ADAMTSL1: variants seen among roughly 807,000 people sequenced by gnomAD.
ADAMTSL1 encodes ADAMTS-like protein 1.
A neutral mutation model predicts 201.8 loss-of-function variants in ADAMTSL1; 126 were observed. That is an observed-to-expected ratio of 0.62 (90% CI 0.54 to 0.72). ADAMTSL1 has a LOEUF of 0.72. Among genes scored for constraint, ADAMTSL1 ranks in the 30% least tolerant of loss-of-function variants. ADAMTSL1 has a pLI of 0.00. For missense variants in ADAMTSL1, 2,679 were observed against 2,277.8 expected, an observed-to-expected ratio of 1.18 and a Z score of -3.59; for synonymous variants, 1,121 against 903.4, an observed-to-expected ratio of 1.24 and a Z score of -4.32.
At chr9:18,052,055 T>G (rs1468845819) in intron 1 of ADAMTSL1, among the ~76,000 whole-genome samples, 2 of 152,210 alleles carry the variant, frequency 1.3e-5, no homozygotes, top group Non-Finnish European at 1.5e-5. Context: ...CAGATCAAAG[T>G]AGAGCTCCTA....
intron 2 of ADAMTSL1, among the ~76,000 whole-genome samples, chr9:18,224,465 A>G (rs1830372717): frequency 6.6e-6 from 1 of 152,152 alleles, no homozygotes; most frequent in Non-Finnish European, 1.5e-5. Context: ...TGCACTGGAG[A>G]TTACATTTCA....
At chr9:18,372,164 G>A (rs149156529) in intron 2 of ADAMTSL1, among the ~76,000 whole-genome samples, 55 of 152,248 alleles carry the variant, frequency 3.6e-4, no homozygotes, top group African/African-American at 1.3e-3. Context: ...TTTGTCTACC[G>A]TACAGCACTT....
At chr9:18,550,358 C>G (rs974143072) in intron 3 of ADAMTSL1, among the ~76,000 whole-genome samples, 6 of 151,888 alleles carry the variant, frequency 4.0e-5, no homozygotes, top group Admixed American at 3.3e-4. Flanking sequence ...GAGCGCTTTC[C>G]TCAGCTGGAG....
chr9:18,395,752 G>C (rs1025945050), intron 2 of ADAMTSL1, among the ~76,000 whole-genome samples: 1 of 152,164 alleles, frequency 6.6e-6, no homozygotes, highest in African/African-American at 2.4e-5. Flanking sequence ...AGTTTAACTA[G>C]TCTTGATTCA....
intron 2 of ADAMTSL1, among the ~76,000 whole-genome samples, chr9:18,171,058 A>C (rs920763170): frequency 6.6e-6 from 1 of 152,138 alleles, no homozygotes; most frequent in South Asian, 2.1e-4. Context: ...AAATTAATCC[A>C]CATATCTAGC....
At chr9:18,515,392 T>C (rs62552137) in intron 2 of ADAMTSL1, among the ~76,000 whole-genome samples, 26 of 152,302 alleles carry the variant, frequency 1.7e-4, no homozygotes, top group Middle Eastern at 6.8e-3. Context: ...TGGAGTGCAG[T>C]GGTGCCATCT....
At chr9:18,436,427 A>G (rs111228857) in intron 2 of ADAMTSL1, among the ~76,000 whole-genome samples, 190 of 151,932 alleles carry the variant, frequency 1.3e-3, no homozygotes, top group African/African-American at 4.4e-3. Context: ...GCTCTTGTTT[A>G]TTTCACTTCT....
At chr9:17,958,145 C>A (rs979247080) in intron 1 of ADAMTSL1, among the ~76,000 whole-genome samples, 1 of 152,090 alleles carries the variant, frequency 6.6e-6, no homozygotes, top group Non-Finnish European at 1.5e-5. Flanking sequence ...AATCATTTTA[C>A]CTCTTTCCAT....
At chr9:18,280,624 G>C (rs1254109037) in intron 2 of ADAMTSL1, among the ~76,000 whole-genome samples, 1 of 152,002 alleles carries the variant, frequency 6.6e-6, no homozygotes, top group Admixed American at 6.6e-5. Flanking sequence ...CTCGAGTTTT[G>C]TACATTATTT....
At chr9:18,508,718 A>G (rs1202192351) in intron 2 of ADAMTSL1, among the ~76,000 whole-genome samples, 1 of 152,294 alleles carries the variant, frequency 6.6e-6, no homozygotes, top group Non-Finnish European at 1.5e-5. Context: ...TAAAATACAT[A>G]ACTCTAAGCA....
chr9:18,815,103 T>G (rs1362938279), intron 20 of ADAMTSL1, among the ~76,000 whole-genome samples: 2 of 152,190 alleles, frequency 1.3e-5, no homozygotes, highest in Non-Finnish European at 2.9e-5. Context: ...TTATACATTG[T>G]TAATGGGAAT....
chr9:18,513,747 A>G (rs1319649062), intron 2 of ADAMTSL1, among the ~76,000 whole-genome samples: 1 of 152,126 alleles, frequency 6.6e-6, no homozygotes, highest in Non-Finnish European at 1.5e-5. Context: ...CCCATTGTGT[A>G]TTCTTGGAAC....
At chr9:18,522,515 T>C (rs778391943) in intron 2 of ADAMTSL1, among the ~76,000 whole-genome samples, 27 of 152,106 alleles carry the variant, frequency 1.8e-4, no homozygotes, top group Non-Finnish European at 3.1e-4. Flanking sequence ...TATGTATATA[T>C]GTGCCATGTT....
In ADAMTSL1 at chr9:18,680,426, G is replaced by A; in HGVS notation, c.1251G>A (p.Glu417=). The change falls in exon 11 of 29, where the codon GAG becomes GAA. Residue 417 remains glutamate, a synonymous_variant. Transcript: ENST00000380548. ...DIQGHVTSVE[E]WKCMYTPKMP... ...AGGGGCATGTCACTTCAGTGGAAGA[G>A]TGGAAATGCATGTACACCCCTAAGA... The A allele has an allele frequency of 1.2e-6, 2 of 1,614,202 alleles. No homozygotes were observed. Among genetic ancestry groups the A allele is most frequent in the Non-Finnish European group, 1.7e-6 (2 of 1,180,036 alleles).
intron 2 of ADAMTSL1, among the ~76,000 whole-genome samples, chr9:18,324,151 G>A (rs557068754): frequency 6.6e-6 from 1 of 152,196 alleles, no homozygotes; most frequent in African/African-American, 2.4e-5. Context: ...ATTGAGACCA[G>A]AAATATAGCC....
intron 2 of ADAMTSL1, among the ~76,000 whole-genome samples, chr9:18,292,300 T>C (rs866287703): frequency 6.6e-6 from 1 of 152,192 alleles, no homozygotes; most frequent in African/African-American, 2.4e-5. Context: ...GGCAGAGGCC[T>C]TGGCCAGCTT....
At chr9:18,200,017 A>G (rs1014924769) in intron 2 of ADAMTSL1, among the ~76,000 whole-genome samples, 2 of 152,208 alleles carry the variant, frequency 1.3e-5, no homozygotes, top group East Asian at 3.9e-4. Context: ...GCTCATAATA[A>G]TGATGGCTCT....
intron 2 of ADAMTSL1, among the ~76,000 whole-genome samples, chr9:18,456,328 CA>C (rs774915515): frequency 4.0e-4 from 61 of 152,322 alleles, no homozygotes; most frequent in East Asian, 3.9e-4. Context: ...GTGTGGCTCC[CA>C]TGCAGCCTCC....
intron 1 of ADAMTSL1, among the ~76,000 whole-genome samples, chr9:18,075,958 C>T (rs1028937699): frequency 1.3e-5 from 2 of 152,222 alleles, no homozygotes; most frequent in African/African-American, 4.8e-5. Context: ...AGTGTCAACA[C>T]AAATAAACAC....
Sources: gnomAD v4.1 joint callset for allele counts (sites outside exome capture counted in the v4.1 genomes callset) on GRCh38, gnomAD v4.1.1 for gene constraint, MANE v1.5 for transcripts, NCBI Gene and HGNC (gene_info 2026-07-23, HGNC 2026-07-21) for gene names.